PHKA2: variants seen among roughly 807,000 people sequenced by gnomAD.
PHKA2 encodes the protein phosphorylase b kinase regulatory subunit alpha, liver isoform.
A neutral mutation model predicts 102.0 loss-of-function variants in PHKA2; 31 were observed. The observed-to-expected ratio is 0.30, with a 90% CI of 0.23 to 0.41. PHKA2 has a LOEUF of 0.41. Among genes scored for constraint, PHKA2 ranks in the 10% least tolerant of loss-of-function variants. The probability of loss-of-function intolerance (pLI) is 1.00; values close to 1 mark genes in which losing one functional copy is unlikely to be tolerated. For synonymous variants in PHKA2, 455 were observed against 416.2 expected (o/e 1.09, Z -1.13); for missense variants, 858 against 1,023.1 (o/e 0.84, Z 2.20).
At position 18,906,619 on chromosome X, in the gene PHKA2, A is replaced by G. The variant is rs889641365; in HGVS notation, c.2682T>C (p.Ile894=). 5.0e-6 allele frequency: 6 copies of G among 1,199,737 alleles called. No homozygotes were observed. The highest frequency in any genetic ancestry group is 6.8e-6 in the Non-Finnish European group (6 of 885,191). The part of the protein sequence containing the change: ...DISIAVLTQE[I]VVYLAMYVRA... ...TGACATACATGGCCAGGTAAACCAC[A>G]ATCTCCTGAGGCAGACACACACGGA... Residue 894 remains isoleucine (I), a synonymous_variant, in exon 25 of 33, where the codon ATT becomes ATC. Coordinates refer to ENST00000379942, the MANE Select transcript of PHKA2 (RefSeq NM_000292.3).
chrX:18,893,354 GC>G lies in PHKA2; in HGVS notation c.*130del. On this transcript the variant is annotated 3_prime_UTR_variant, in exon 33 of 33. Transcript: ENST00000379942. ...CAGTTTCAGGGTGAGTGCTACCATT[GC>G]CCCCCGAGAGTGTTTCTGATGGGAC... 3 of 647,176 alleles carry G rather than the reference GC, an allele frequency of 4.6e-6. No homozygotes were observed. The highest frequency in any genetic ancestry group is 2.2e-5 in the South Asian group (1 of 44,474). 53.3% of individuals were successfully genotyped at this position (647,176 alleles called of 1,213,427 possible). A position where few individuals can be genotyped will look rare whatever the true frequency, so the allele number is the denominator to read the frequency against.
At chrX:18,970,936 T>A (rs1368429952) in intron 1 of PHKA2, among the ~76,000 whole-genome samples, 1 of 112,371 alleles carries the variant, frequency 8.9e-6, no homozygotes, top group Non-Finnish European at 1.9e-5. Flanking sequence ...GCCTTGCCCA[T>A]AAAGCCTTCC....
chrX:18,974,725 T>C, intron 1 of PHKA2, among the ~76,000 whole-genome samples: 1 of 111,182 alleles, frequency 9.0e-6, no homozygotes, highest in South Asian at 3.8e-4. Flanking sequence ...CTTGTGTTTC[T>C]TCTTAGAAGG....
intron 1 of PHKA2, among the ~76,000 whole-genome samples, chrX:18,975,395 C>T (rs1403145036): frequency 8.9e-6 from 1 of 111,934 alleles, no homozygotes. Context: ...CCTTGTCTTC[C>T]GTCATGACTG....
chrX:18,932,603 A>G (rs2048333728), intron 11 of PHKA2, among the ~76,000 whole-genome samples: 1 of 110,702 alleles, frequency 9.0e-6, no homozygotes, highest in African/African-American at 3.3e-5. Flanking sequence ...ACTTTAGTGC[A>G]TGAACTGAAC....
rs190934140 is a variant in PHKA2, at chrX:18,935,851, A to G, written c.1137+204T>C. ...GGCTGGTCTCAAACTCCTGACCACA[A>G]GTAATCCACCCGCCTCAGCCTCCCA... On this transcript the variant is annotated intron_variant, in intron 11 of 32. Transcript: ENST00000379942. Among the ~76,000 whole-genome samples, 740 of 108,927 alleles carry G rather than the reference A, an allele frequency of 6.8e-3. 1 individual carries two copies. Among genetic ancestry groups the G allele is most frequent in the South Asian group, 0.017 (42 of 2,472 alleles). The allele number at this position is 108,927 out of a possible 115,157, so 94.6% of individuals were successfully genotyped here. A position where few individuals can be genotyped will look rare whatever the true frequency, so the allele number is the denominator to read the frequency against.
intron 11 of PHKA2, among the ~76,000 whole-genome samples, chrX:18,935,232 T>A (rs981329920): frequency 2.7e-5 from 3 of 112,205 alleles, no homozygotes; most frequent in African/African-American, 9.7e-5. Context: ...AGATAATAGG[T>A]CCATCATGAC....
At chrX:18,912,822 A>G (rs2047949508) in intron 19 of PHKA2, among the ~76,000 whole-genome samples, 1 of 111,192 alleles carries the variant, frequency 9.0e-6, no homozygotes, top group Non-Finnish European at 1.9e-5. Flanking sequence ...GAGGCGGGAG[A>G]ATCGCTTGAA....
intron 3 of PHKA2, among the ~76,000 whole-genome samples, chrX:18,952,226 A>C (rs1255810055): frequency 1.0e-5 from 1 of 98,966 alleles, no homozygotes; most frequent in Non-Finnish European, 2.0e-5. Context: ...TGAATGGTAC[A>C]CACCTCAGGT....
At chrX:18,909,065 G>C in intron 20 of PHKA2, 131 bp from the exon 21 acceptor site, 1 of 820,974 alleles carries the variant, frequency 1.2e-6, no homozygotes, top group Non-Finnish European at 1.8e-6. Flanking sequence ...ATGACTTTTT[G>C]TACCTCTTTA....
chrX:18,945,069 A>G lies in PHKA2; in HGVS notation c.618+9T>C. On this transcript the variant is annotated intron_variant, in intron 6 of 32. Coordinates refer to ENST00000379942, the MANE Select transcript of PHKA2 (RefSeq NM_000292.3). The stretch of plus-strand genomic sequence containing the variant: ...ATGCAGAAGGAAGAACAAACAGGAC[A>G]ACTGTCACCTTGGCCATTCCTACGG... 8.7e-7 allele frequency: 1 copy of G among 1,143,516 alleles called. No individual in the cohort carries two copies. The highest frequency in any genetic ancestry group is 1.2e-6 in the Non-Finnish European group (1 of 833,006). 94.2% of individuals were successfully genotyped at this position (1,143,516 alleles called of 1,213,427 possible).
chrX:18,910,634 T>C (rs1264315391), intron 20 of PHKA2, among the ~76,000 whole-genome samples: 1 of 112,103 alleles, frequency 8.9e-6, no homozygotes, highest in African/African-American at 3.2e-5. Context: ...GTAGTAGCTT[T>C]TTCTACAGGC....
At chrX:18,931,069 A>G (rs1310800786) in intron 12 of PHKA2, among the ~76,000 whole-genome samples, 1 of 112,117 alleles carries the variant, frequency 8.9e-6, no homozygotes, top group Admixed American at 9.4e-5. Flanking sequence ...GTATTTGCAT[A>G]TTAAAACAAA....
In PHKA2 at chrX:18,926,449, C is replaced by T; in HGVS notation, c.1459+4G>A. 1 of 1,203,145 alleles carries T rather than the reference C, an allele frequency of 8.3e-7. No individual in the cohort carries two copies. The highest frequency in any genetic ancestry group is 1.8e-5 in the South Asian group (1 of 56,811). Reference sequence around the variant, plus strand: ...AAAGGCCCAGGTAATTTCCCCAAACCTACCAAGCTTGGCATATATGTGACT... The same window carrying T: ...AAAGGCCCAGGTAATTTCCCCAAACTTACCAAGCTTGGCATATATGTGACT... On this transcript the variant is annotated splice_donor_region_variant and intron_variant, in intron 14 of 32. Coordinates refer to ENST00000379942, the MANE Select transcript of PHKA2 (RefSeq NM_000292.3).
intron 26 of PHKA2, among the ~76,000 whole-genome samples, chrX:18,905,164 T>C (rs997539211): frequency 2.7e-5 from 3 of 110,819 alleles, no homozygotes; most frequent in Admixed American, 1.9e-4. Flanking sequence ...GCATTCGGGG[T>C]CCCCCACACT....
chrX:18,971,378 G>A (rs1409088488), intron 1 of PHKA2, among the ~76,000 whole-genome samples: 1 of 112,213 alleles, frequency 8.9e-6, no homozygotes. Flanking sequence ...TGTTTACATT[G>A]TAGAATATGA....
intron 31 of PHKA2, 158 bp downstream of exon 31, chrX:18,894,980 T>A: frequency 1.8e-6 from 1 of 552,548 alleles, no homozygotes; most frequent in Admixed American, 2.5e-5. Flanking sequence ...AAGACATTTT[T>A]GCCAAATATG....
intron 28 of PHKA2, 152 bp from the exon 29 acceptor site, chrX:18,899,378 A>G: frequency 3.8e-6 from 2 of 524,889 alleles, no homozygotes; most frequent in Non-Finnish European, 6.7e-6. Context: ...GCACATAGGC[A>G]AGCTCAGGTG....
chrX:18,916,463 T>C (rs912958397), intron 19 of PHKA2, among the ~76,000 whole-genome samples: 2 of 112,075 alleles, frequency 1.8e-5, no homozygotes, highest in African/African-American at 6.5e-5. Context: ...TAATTTCTGA[T>C]ATGGTTTGAA....
Sources: gnomAD v4.1 joint callset for allele counts (sites outside exome capture counted in the v4.1 genomes callset) on GRCh38, gnomAD v4.1.1 for gene constraint, MANE v1.5 for transcripts, NCBI Gene and HGNC (gene_info 2026-07-23, HGNC 2026-07-21) for gene names.